Variants in NPC1L1 observed in about 807,000 individuals in gnomAD.
NPC1L1 encodes NPC1-like intracellular cholesterol transporter 1.
A neutral mutation model predicts 117.0 loss-of-function variants in NPC1L1; 98 were observed. The observed-to-expected ratio is 0.84, with a 90% CI of 0.71 to 0.99. The LOEUF (loss-of-function observed/expected upper bound fraction) is 0.99. NPC1L1 is among the 50% of genes least tolerant of loss of function. The pLI is 0.00. For missense variants in NPC1L1, 1,540 were observed against 1,710.0 expected (o/e 0.90, Z 1.75); for synonymous variants, 729 against 727.6 (o/e 1.00, Z -0.03).
intron 10 of NPC1L1, among the ~76,000 whole-genome samples, chr7:44,529,008 T>A (rs1348748717): frequency 6.6e-6 from 1 of 151,540 alleles, no homozygotes; most frequent in Admixed American, 6.6e-5. Context: ...GAGGTGTAAG[T>A]TGCAGTGAGC....
chr7:44,535,310 G>A (rs1218163548), intron 5 of NPC1L1, among the ~76,000 whole-genome samples: 1 of 151,732 alleles, frequency 6.6e-6, no homozygotes, highest in East Asian at 1.9e-4. Flanking sequence ...GTTGCAGTGA[G>A]CCGAGATCGC....
chr7:44,521,588 G>T, intron 12 of NPC1L1, 124 bp downstream of exon 12: 1 of 1,477,030 alleles, frequency 6.8e-7, no homozygotes, highest in Non-Finnish European at 9.4e-7. Context: ...CTGCACCCAT[G>T]CCCCCGACAG....
Position 44,538,595 on chromosome 7 carries a change from C to T in NPC1L1, c.1580+222G>A, listed in dbSNP as rs183985783. Among the ~76,000 whole-genome samples the T allele has an allele frequency of 9.2e-4, 140 of 152,346 alleles. No homozygotes were observed. Among genetic ancestry groups the T allele is most frequent in the African/African-American group, 3.3e-3 (137 of 41,574 alleles). Reference sequence around the variant, plus strand: ...TCGGGGTTGAAGGGCCAGCGATGGCCACGCACAAACCTGCAGCCATGAGCA... The same window carrying T: ...TCGGGGTTGAAGGGCCAGCGATGGCTACGCACAAACCTGCAGCCATGAGCA... On this transcript the variant is annotated intron_variant, in intron 2 of 18. Coordinates refer to ENST00000381160, the MANE Select transcript of NPC1L1 (RefSeq NM_001101648.2). The surrounding 1 kb of genome is among the most constrained non-coding windows in gnomAD (Gnocchi z 5.9).
At position 44,533,748 on chromosome 7, in the gene NPC1L1, A is replaced by G. The variant is rs1480471394; in HGVS notation, c.2272T>C (p.Phe758Leu). The G allele has an allele frequency of 6.2e-7, 1 of 1,613,982 alleles. No homozygotes were observed. The highest frequency in any genetic ancestry group is 8.5e-7 in the Non-Finnish European group (1 of 1,179,972). The part of the protein sequence containing the change: ...LLCSLSEAIC[F>L]FLGALTPMPA... ...TCTCACCCAGGCTCACCTAGGAAGA[A>G]GCAGATGGCCTCAGAGAGGCTGCAC... Residue 758 changes from phenylalanine to leucine, a missense_variant, in exon 7 of 19, where the codon TTC becomes CTC. By Grantham distance (22) the Phe-to-Leu change is conservative. Coordinates refer to ENST00000381160, the MANE Select transcript of NPC1L1 (RefSeq NM_001101648.2).
chr7:44,520,935 C>G, intron 13 of NPC1L1, 57 bp downstream of exon 13: 1 of 1,614,038 alleles, frequency 6.2e-7, no homozygotes, highest in Non-Finnish European at 8.5e-7. Context: ...CTATATTCAA[C>G]CCCATCCTGT....
rs768189039 is a variant in NPC1L1 at position 44,517,247 on chromosome 7, C to T, written c.3247G>A (p.Val1083Met). Reference sequence around the variant, plus strand: ...TCAAAAGCCGGGTCTGTTCCAGGCACTTTCCGCAGGTCAGCAGTGATGTTG... The same window carrying T: ...TCAAAAGCCGGGTCTGTTCCAGGCATTTTCCGCAGGTCAGCAGTGATGTTG... ...AANITADLRK[V>M]PGTDPAFEVF... The change falls in exon 15 of 19, where the codon GTG (valine) becomes ATG (methionine). Residue 1083 changes from valine to methionine, a missense_variant. Physicochemically the swap from Val to Met is conservative, Grantham distance 21. This residue lies in a region of NPC1L1 where 742 missense variants were observed against 873.6 expected (regional missense o/e 0.85). Coordinates refer to ENST00000381160, the MANE Select transcript of NPC1L1 (RefSeq NM_001101648.2). 1.1e-4 allele frequency: 180 copies of T among 1,614,076 alleles called. 1 individual carries two copies. Among genetic ancestry groups the T allele is most frequent in the South Asian group, 6.8e-4 (62 of 91,076 alleles).
chr7:44,516,110 CTT>C lies in NPC1L1; in HGVS notation c.3605_3606del (p.Lys1202ArgfsTer66). 1.2e-6 allele frequency: 2 copies of C among 1,612,672 alleles called. No homozygotes were observed. The highest frequency in any genetic ancestry group is 1.7e-6 in the Non-Finnish European group (2 of 1,179,406). ...GCACTTCCCATAGAGATGGTGGCCT[CTT>C]TGGCCCTCTCCAGCCAGGTGGGCTT... Reference protein sequence around the residue: ...STKPTWLERAKEATISMGSAV... With the variant: ...STKPTWLERAXEATISMGSAV... On this transcript the variant is annotated frameshift_variant, in exon 17 of 19. Coordinates refer to ENST00000381160, the MANE Select transcript of NPC1L1 (RefSeq NM_001101648.2). LOFTEE classifies it high-confidence loss of function.
chr7:44,535,078 C>A (rs217404), intron 5 of NPC1L1, among the ~76,000 whole-genome samples: 8,334 of 151,752 alleles, frequency 0.055, 797 homozygotes, highest in African/African-American at 0.19. Context: ...ACAAAAACTA[C>A]AAAACAAAAA....
intron 8 of NPC1L1, 146 bp from the exon 9 acceptor site, chr7:44,532,363 T>C (rs1044079305): frequency 1.2e-5 from 11 of 886,358 alleles, no homozygotes; most frequent in Middle Eastern, 3.5e-4. Flanking sequence ...TTTTCTTTGC[T>C]TTTATTTTAA....
In NPC1L1 at chr7:44,539,435, T is replaced by A. The variant is rs1354482372; in HGVS notation, c.962A>T (p.Lys321Met). The part of the protein sequence containing the change: ...RDKSKMVDPK[K>M]GTSLSDKLSF... ...GAGCTTGTCAGAGAGGCTGGTGCCC[T>A]TCTTGGGGTCCACCATCTTGCTTTT... is the stretch of plus-strand genomic sequence containing the variant. Residue 321 changes from lysine to methionine, a missense_variant, in exon 2 of 19, where the codon AAG becomes ATG. Coordinates refer to ENST00000381160, the MANE Select transcript of NPC1L1 (RefSeq NM_001101648.2). This position sits in a 1 kb window ranked among gnomAD's most constrained non-coding sequence, Gnocchi z 4.4. The A allele has an allele frequency of 6.2e-7, 1 of 1,613,962 alleles. No homozygotes were observed. Among genetic ancestry groups the A allele is most frequent in the East Asian group, 2.2e-5 (1 of 44,880 alleles).
At position 44,536,729 on chromosome 7, in the gene NPC1L1, C is replaced by T. The variant is rs1801906542; in HGVS notation, c.1681+113G>A. 2.1e-6 allele frequency: 2 copies of T among 956,120 alleles called. No homozygotes were observed. Among genetic ancestry groups the T allele is most frequent in the East Asian group, 2.6e-5 (1 of 38,674 alleles). 59.2% of individuals were successfully genotyped at this position (956,120 alleles called of 1,614,324 possible). A position where few individuals can be genotyped will look rare whatever the true frequency, so the allele number is the denominator to read the frequency against. On this transcript the variant is annotated intron_variant, in intron 3 of 18. Transcript: ENST00000381160. This position sits in a 1 kb window ranked among gnomAD's most constrained non-coding sequence, Gnocchi z 4.7. ...GGGTTGGCCTACAGCTTCCAGAAGC[C>T]AGGCTACCCCCAGGCCGCGAGAATC...
At chr7:44,537,048 G>T in intron 2 of NPC1L1, 106 bp from the exon 3 acceptor site, 1 of 867,182 alleles carries the variant, frequency 1.2e-6, no homozygotes, top group Non-Finnish European at 1.8e-6. Context: ...TATGGAGGGT[G>T]AGCTGGTGGG....
chr7:44,525,118 GA>G (rs1295382347), intron 10 of NPC1L1, among the ~76,000 whole-genome samples: 1 of 152,030 alleles, frequency 6.6e-6, no homozygotes, highest in African/African-American at 2.4e-5. Context: ...AATTCCAGAA[GA>G]AAAGAGAAAG....
At chr7:44,533,885 G>A in intron 6 of NPC1L1, 32 bp from the exon 7 acceptor site, 2 of 1,560,734 alleles carry the variant, frequency 1.3e-6, no homozygotes. Flanking sequence ...AAGAGCCAGG[G>A]CCCTCCAAGG....
At chr7:44,520,921 C>T (rs201844646) in intron 13 of NPC1L1, 71 bp downstream of exon 13, 11 of 1,613,536 alleles carry the variant, frequency 6.8e-6, no homozygotes, top group Non-Finnish European at 8.5e-6. Flanking sequence ...CTCCTCCTGC[C>T]TCTCTATATT....
chr7:44,523,040 G>T (rs1801407920), intron 10 of NPC1L1, among the ~76,000 whole-genome samples: 1 of 152,116 alleles, frequency 6.6e-6, no homozygotes, highest in African/African-American at 2.4e-5. Context: ...CAATTTGTCT[G>T]GTATAACTAT....
At chr7:44,525,786 A>G (rs1031396898) in intron 10 of NPC1L1, among the ~76,000 whole-genome samples, 48 of 152,260 alleles carry the variant, frequency 3.2e-4, no homozygotes, top group African/African-American at 1.1e-3. Context: ...GTGACTTGGC[A>G]TATACAAAAG....
rs1329869215 is a variant in NPC1L1, at chr7:44,522,127, G to T, written c.2753C>A (p.Ala918Asp). 6 of 1,614,038 alleles carry T rather than the reference G, an allele frequency of 3.7e-6. No homozygotes were observed. The highest frequency in any genetic ancestry group is 1.7e-5 in the Admixed American group (1 of 60,002). ...GTTGCAGCCTGCACTGGAGCAGATG[G>T]CATTCATCCCAGCCTCGCTGGAGAA... ...YNFSSEAGMN[A>D]ICSSAGCNNF... Residue 918 changes from alanine (A) to aspartate (D), a missense_variant, in exon 11 of 19, where the codon GCC becomes GAC. Coordinates refer to ENST00000381160, the MANE Select transcript of NPC1L1 (RefSeq NM_001101648.2).
At chr7:44,519,151 C>T (rs1801280101) in intron 14 of NPC1L1, among the ~76,000 whole-genome samples, 1 of 152,080 alleles carries the variant, frequency 6.6e-6, no homozygotes. Context: ...ACCTTGGCCT[C>T]CCAACGTACT....
Sources: allele counts gnomAD v4.1 joint callset (sites outside exome capture counted in the v4.1 genomes callset), GRCh38; gene constraint gnomAD v4.1.1; regional missense constraint gnomAD v4.1.1; non-coding constraint Gnocchi (gnomAD v3.1); transcripts MANE v1.5; gene names NCBI Gene and HGNC (gene_info 2026-07-23, HGNC 2026-07-21).